The following CACNA2D1 variants were observed in gnomAD, a reference collection of about 807,000 sequenced individuals.
CACNA2D1 encodes voltage-dependent calcium channel subunit alpha-2/delta-1.
In CACNA2D1, 53 loss-of-function variants were observed where a neutral mutation model predicts 171.5. The observed-to-expected ratio is 0.31, with a 90% confidence interval of 0.25 to 0.39. The LOEUF (loss-of-function observed/expected upper bound fraction) is 0.39, where lower values mean the gene tolerates loss of function less well. Among genes scored for constraint, CACNA2D1 ranks in the 10% least tolerant of loss-of-function variants. The pLI is 1.00. For missense variants in CACNA2D1, 903 were observed against 1,299.8 expected (o/e 0.69, Z 4.69); for synonymous variants, 442 against 443.1 (o/e 1.00, Z 0.03).
chr7:82,390,605 T>C (rs1209878279), intron 1 of CACNA2D1, among the ~76,000 whole-genome samples: 1 of 152,144 alleles, frequency 6.6e-6, no homozygotes, highest in Non-Finnish European at 1.5e-5. Context: ...AGAAAAGTGG[T>C]TTATGGAGCC....
intron 3 of CACNA2D1, among the ~76,000 whole-genome samples, chr7:82,254,108 A>G (rs1407047471): frequency 1.3e-5 from 2 of 152,178 alleles, no homozygotes; most frequent in East Asian, 1.9e-4. Flanking sequence ...TACATCATTA[A>G]AAGTTTTAAA....
intron 18 of CACNA2D1, among the ~76,000 whole-genome samples, chr7:82,004,103 C>T (rs1373145232): frequency 6.6e-6 from 1 of 152,038 alleles, no homozygotes; most frequent in East Asian, 1.9e-4. Context: ...ATTGAAAATA[C>T]ACTGGATATA....
chr7:82,314,592 CT>C (rs1451553065), intron 3 of CACNA2D1, among the ~76,000 whole-genome samples: 1 of 152,112 alleles, frequency 6.6e-6, no homozygotes, highest in Non-Finnish European at 1.5e-5. Flanking sequence ...AATTATTTCA[CT>C]CAAACGTTTG....
intron 1 of CACNA2D1, among the ~76,000 whole-genome samples, chr7:82,382,268 C>A (rs536353269): frequency 1.3e-5 from 2 of 152,330 alleles, no homozygotes; most frequent in South Asian, 4.1e-4. Context: ...CTAAAATTTA[C>A]TAGAACTAAA....
At chr7:82,149,612 G>A (rs1563121356) in intron 4 of CACNA2D1, among the ~76,000 whole-genome samples, 1 of 152,036 alleles carries the variant, frequency 6.6e-6, no homozygotes, top group Non-Finnish European at 1.5e-5. Context: ...AGGCCAAGAT[G>A]TGCAGATGCT....
At chr7:82,327,890 G>C (rs1325921531) in intron 3 of CACNA2D1, among the ~76,000 whole-genome samples, 2 of 152,086 alleles carry the variant, frequency 1.3e-5, no homozygotes, top group Admixed American at 6.6e-5. Context: ...GCAATGTCAT[G>C]CTTCTGAGGG....
intron 3 of CACNA2D1, among the ~76,000 whole-genome samples, chr7:82,329,416 T>C (rs1817029469): frequency 6.6e-6 from 1 of 152,166 alleles, no homozygotes; most frequent in African/African-American, 2.4e-5. Flanking sequence ...ATAACCTTGA[T>C]CCTATTTTCT....
intron 1 of CACNA2D1, among the ~76,000 whole-genome samples, chr7:82,358,401 G>T (rs1018955755): frequency 1.1e-4 from 16 of 152,202 alleles, no homozygotes; most frequent in African/African-American, 3.6e-4. Flanking sequence ...TTGTTTGTGA[G>T]ATGGGTGTCA....
intron 24 of CACNA2D1, among the ~76,000 whole-genome samples, chr7:81,981,154 G>C (rs1796407436): frequency 6.6e-6 from 1 of 152,144 alleles, no homozygotes; most frequent in Non-Finnish European, 1.5e-5. Flanking sequence ...AGAACACATG[G>C]GTGGCTTGTG....
chr7:82,038,853 G>T (rs894676130), intron 10 of CACNA2D1, among the ~76,000 whole-genome samples: 1 of 152,142 alleles, frequency 6.6e-6, no homozygotes, highest in East Asian at 1.9e-4. Flanking sequence ...CTGAACAGCA[G>T]AGAGGCTGTG....
intron 5 of CACNA2D1, among the ~76,000 whole-genome samples, chr7:82,123,739 G>C (rs1272924698): frequency 6.6e-6 from 1 of 152,022 alleles, no homozygotes; most frequent in African/African-American, 2.4e-5. Flanking sequence ...AATTTTACTT[G>C]TTTTGCCTGA....
chr7:82,232,953 C>T (rs1183716312), intron 3 of CACNA2D1, among the ~76,000 whole-genome samples: 1 of 129,216 alleles, frequency 7.7e-6, no homozygotes, highest in African/African-American at 2.8e-5. Context: ...TCTACTAAAA[C>T]ATTCTAAATA....
chr7:82,018,991 G>C (rs1159573493), intron 12 of CACNA2D1, among the ~76,000 whole-genome samples: 2 of 149,902 alleles, frequency 1.3e-5, no homozygotes, highest in Admixed American at 1.3e-4. Flanking sequence ...CTGTCTTGGT[G>C]GGGTGGGGGT....
intron 12 of CACNA2D1, among the ~76,000 whole-genome samples, chr7:82,015,165 A>C (rs1337971228): frequency 2.6e-5 from 4 of 152,198 alleles, no homozygotes; most frequent in Non-Finnish European, 5.9e-5. Flanking sequence ...TAGTCACTGC[A>C]AAAAAAGCTT....
intron 5 of CACNA2D1, among the ~76,000 whole-genome samples, chr7:82,122,951 T>C (rs1359565298): frequency 6.6e-6 from 1 of 152,202 alleles, no homozygotes; most frequent in Non-Finnish European, 1.5e-5. Flanking sequence ...ATTCTCTTGA[T>C]ACCTGAGGCA....
At chr7:82,413,585 C>T (rs1409425820) in intron 1 of CACNA2D1, among the ~76,000 whole-genome samples, 1 of 152,182 alleles carries the variant, frequency 6.6e-6, no homozygotes, top group Non-Finnish European at 1.5e-5. Flanking sequence ...CCATTCTTTC[C>T]CAAACAGCTC....
chr7:82,069,320 G>T (rs2128989717), intron 7 of CACNA2D1, among the ~76,000 whole-genome samples: 1 of 152,286 alleles, frequency 6.6e-6, no homozygotes, highest in Non-Finnish European at 1.5e-5. Context: ...CCTGTAAAAA[G>T]TGAAATGTTG....
chr7:82,268,805 A>T (rs1231837513), intron 3 of CACNA2D1, among the ~76,000 whole-genome samples: 1 of 152,178 alleles, frequency 6.6e-6, no homozygotes, highest in Non-Finnish European at 1.5e-5. Context: ...TAAATCCAAA[A>T]AGCCTGCTAA....
chr7:82,438,394 C>A (rs1218873980), intron 1 of CACNA2D1, among the ~76,000 whole-genome samples: 1 of 152,026 alleles, frequency 6.6e-6, no homozygotes, highest in East Asian at 1.9e-4. Flanking sequence ...GTGACACAAA[C>A]TAGGAAAGTT....
Sources: gnomAD v4.1 joint callset for allele counts (sites outside exome capture counted in the v4.1 genomes callset) on GRCh38, gnomAD v4.1.1 for gene constraint, MANE v1.5 for transcripts, NCBI Gene and HGNC (gene_info 2026-07-23, HGNC 2026-07-21) for gene names.